Variants in KIAA1328 observed in about 807,000 individuals in gnomAD.
The protein encoded by KIAA1328 is KIAA1328.
KIAA1328 carries 52 observed loss-of-function variants against 68.1 expected under a neutral mutation model. The observed-to-expected ratio is 0.76, with a 90% CI of 0.61 to 0.96. The LOEUF (loss-of-function observed/expected upper bound fraction) is 0.96, where lower values mean the gene tolerates loss of function less well. Ranked by LOEUF, KIAA1328 falls within the 40% of genes least tolerant of loss-of-function variation. The pLI, the probability that KIAA1328 is intolerant of heterozygous loss-of-function variation, is 0.00. For missense variants in KIAA1328, 641 were observed against 677.6 expected (o/e 0.95, Z 0.60); for synonymous variants, 232 against 239.4 (o/e 0.97, Z 0.28).
intron 6 of KIAA1328, among the ~76,000 whole-genome samples, chr18:36,963,876 G>T (rs139215655): frequency 3.9e-4 from 59 of 152,204 alleles, no homozygotes; most frequent in African/African-American, 1.2e-3. Flanking sequence ...GCCTAACATA[G>T]GTCTTGGCTT....
intron 6 of KIAA1328, among the ~76,000 whole-genome samples, chr18:37,014,425 A>G (rs905877970): frequency 6.6e-6 from 1 of 152,200 alleles, no homozygotes; most frequent in Non-Finnish European, 1.5e-5. Flanking sequence ...CCCATGTCCC[A>G]AATGATGTTT....
downstream of KIAA1328, among the ~76,000 whole-genome samples, chr18:37,228,146 A>T (rs2060648692): frequency 6.6e-6 from 1 of 152,212 alleles, no homozygotes; most frequent in African/African-American, 2.4e-5. Context: ...TCATGATAAA[A>T]CTTGAACAGA....
chr18:37,125,583 A>G (rs573166757), intron 7 of KIAA1328, among the ~76,000 whole-genome samples: 3 of 152,336 alleles, frequency 2.0e-5, no homozygotes, highest in African/African-American at 4.8e-5. Context: ...AAAGGTGTCA[A>G]TAAAATTGGC....
intron 5 of KIAA1328, among the ~76,000 whole-genome samples, chr18:36,944,347 G>A (rs1165977760): frequency 1.3e-5 from 2 of 152,110 alleles, no homozygotes; most frequent in Admixed American, 1.3e-4. Context: ...AGGAGGACAA[G>A]GCGGGCGGAT....
chr18:37,025,480 A>T (rs2054532863), intron 6 of KIAA1328, among the ~76,000 whole-genome samples: 1 of 152,114 alleles, frequency 6.6e-6, no homozygotes, highest in Non-Finnish European at 1.5e-5. Flanking sequence ...GAAGTAAAGC[A>T]CTCCTCAGCA....
intron 5 of KIAA1328, 148 bp downstream of exon 5, chr18:36,885,820 G>A (rs1038719543): frequency 1.6e-5 from 9 of 553,220 alleles, no homozygotes; most frequent in Middle Eastern, 4.9e-4. Flanking sequence ...CGGTTCAAGC[G>A]ATTCTCCTAC....
chr18:36,982,739 T>G (rs1019610533), intron 6 of KIAA1328, among the ~76,000 whole-genome samples: 11 of 152,034 alleles, frequency 7.2e-5, no homozygotes, highest in African/African-American at 2.7e-4. Context: ...ATAATATTTT[T>G]TATTATATAA....
At chr18:36,894,749 T>C (rs2048815727) in intron 5 of KIAA1328, among the ~76,000 whole-genome samples, 1 of 152,122 alleles carries the variant, frequency 6.6e-6, no homozygotes, top group Non-Finnish European at 1.5e-5. Flanking sequence ...GGTCCCGAAC[T>C]TCTGGGCTCA....
At position 37,129,351 on chromosome 18, in the gene KIAA1328, G is replaced by GAA. The variant is rs563033152; in HGVS notation, c.1233-30849_1233-30848insAA. ...AACCTGAATTTCCATCATTAGGAGAGTGACTGCATAAATTACAGTGTGTCC... is the reference window on the plus strand; with the variant it reads ...AACCTGAATTTCCATCATTAGGAGAGAATGACTGCATAAATTACAGTGTGTCC... On this transcript the variant is annotated intron_variant, in intron 7 of 9. Transcript: ENST00000280020. Among the ~76,000 whole-genome samples, 32 of 152,276 alleles carry GAA rather than the reference G, an allele frequency of 2.1e-4. No individual in the cohort carries two copies. In the South Asian group the frequency reaches 6.6e-3, roughly 32 times the overall value.
chr18:37,017,300 A>G (rs1174143776), intron 6 of KIAA1328, among the ~76,000 whole-genome samples: 2 of 151,924 alleles, frequency 1.3e-5, no homozygotes, highest in African/African-American at 2.4e-5. Context: ...AATAATTTCT[A>G]TTTTCATTCC....
At chr18:36,956,726 A>G (rs1008555798) in intron 5 of KIAA1328, among the ~76,000 whole-genome samples, 4 of 152,222 alleles carry the variant, frequency 2.6e-5, no homozygotes, top group African/African-American at 9.6e-5. Flanking sequence ...TTTCCAGAGT[A>G]AAATTCGTAT....
intron 6 of KIAA1328, among the ~76,000 whole-genome samples, chr18:36,979,982 G>A (rs891657512): frequency 6.6e-6 from 1 of 152,122 alleles, no homozygotes; most frequent in African/African-American, 2.4e-5. Context: ...ACAGAGTAAT[G>A]CTGTTATAAA....
intron 7 of KIAA1328, among the ~76,000 whole-genome samples, chr18:37,080,006 C>T (rs766608874): frequency 2.0e-5 from 3 of 151,674 alleles, no homozygotes; most frequent in Middle Eastern, 3.4e-3. Context: ...TTTATTCAAA[C>T]GTTAGATTTT....
rs554276471 is a variant in KIAA1328 at position 36,926,085 on chromosome 18, C to T, written c.449-33223C>T. Among the ~76,000 whole-genome samples, 66 of 151,968 alleles carry T rather than the reference C, an allele frequency of 4.3e-4. No individual in the cohort carries two copies. The Middle Eastern group carries it at 0.014, about 31-fold the overall frequency. ...TCTTCTGAGAATGGGGCTTTATAGA[C>T]ATTTTCATGTTTAGTTTACTATGAC... On this transcript the variant is annotated intron_variant, in intron 5 of 9. Transcript: ENST00000280020.
intron 7 of KIAA1328, among the ~76,000 whole-genome samples, chr18:37,129,259 C>T (rs577959081): frequency 6.6e-6 from 1 of 151,550 alleles, no homozygotes; most frequent in Non-Finnish European, 1.5e-5. Flanking sequence ...ATTATCAAAA[C>T]AAAATATGTG....
chr18:37,091,373 T>C (rs959857351), intron 7 of KIAA1328, among the ~76,000 whole-genome samples: 1 of 152,158 alleles, frequency 6.6e-6, no homozygotes, highest in African/African-American at 2.4e-5. Context: ...AAAAGTGAAG[T>C]AAATCACCAC....
chr18:37,019,931 G>C lies in KIAA1328; in HGVS notation c.577-46959G>C, dbSNP rs1490143652. On this transcript the variant is annotated intron_variant, in intron 6 of 9. Transcript: ENST00000280020. ...GGCATGAAGGAGAGAGGGTCTTCCTGTACCAGGATGTTCACACAGGAAGGG... is the reference window on the plus strand; with the variant it reads ...GGCATGAAGGAGAGAGGGTCTTCCTCTACCAGGATGTTCACACAGGAAGGG... 2.0e-5 allele frequency among the ~76,000 whole-genome samples: 3 copies of C among 152,154 alleles called. No individual in the cohort carries two copies. The East Asian group carries it at 5.8e-4, about 29-fold the overall frequency.
At chr18:37,008,647 A>G (rs1442193762) in intron 6 of KIAA1328, among the ~76,000 whole-genome samples, 1 of 152,240 alleles carries the variant, frequency 6.6e-6, no homozygotes, top group Non-Finnish European at 1.5e-5. Context: ...TATCGATAGC[A>G]TAAAGGTAAA....
At chr18:36,999,606 G>A (rs2053515640) in intron 6 of KIAA1328, among the ~76,000 whole-genome samples, 1 of 152,118 alleles carries the variant, frequency 6.6e-6, no homozygotes, top group Admixed American at 6.5e-5. Context: ...AAAGAGAATG[G>A]GATGATATAT....
Sources: allele counts gnomAD v4.1 joint callset (sites outside exome capture counted in the v4.1 genomes callset), GRCh38; gene constraint gnomAD v4.1.1; transcripts MANE v1.5; gene names NCBI Gene and HGNC (gene_info 2026-07-23, HGNC 2026-07-21).